ROBO2: variants seen among roughly 807,000 people sequenced by gnomAD.
The protein encoded by ROBO2 is roundabout homolog 2.
ROBO2 carries 53 observed loss-of-function variants against 160.8 expected under a neutral mutation model. The ratio of observed to expected loss-of-function variants is 0.33; its 90% CI spans 0.26 to 0.41. The LOEUF (loss-of-function observed/expected upper bound fraction) is 0.41, where lower values mean the gene tolerates loss of function less well. Ranked by LOEUF, ROBO2 falls within the 10% of genes least tolerant of loss-of-function variation. The pLI is 1.00. For missense variants in ROBO2, 1,577 were observed against 1,722.4 expected (o/e 0.92, Z 1.49); for synonymous variants, 664 against 611.7 (o/e 1.09, Z -1.26).
At chr3:77,325,459 A>G (rs570092687) in intron 2 of ROBO2, among the ~76,000 whole-genome samples, 1 of 152,342 alleles carries the variant, frequency 6.6e-6, no homozygotes, top group South Asian at 2.1e-4. Flanking sequence ...CTTAGCAGTA[A>G]CAAGCTGCTG....
At chr3:77,283,691 A>G (rs568959168) in intron 2 of ROBO2, among the ~76,000 whole-genome samples, 2 of 152,268 alleles carry the variant, frequency 1.3e-5, no homozygotes, top group Admixed American at 1.3e-4. Context: ...AAGTTTTCAC[A>G]TCTCTCTGAT....
intron 2 of ROBO2, among the ~76,000 whole-genome samples, chr3:76,993,235 C>T (rs1195803697): frequency 6.6e-6 from 1 of 152,144 alleles, no homozygotes; most frequent in Non-Finnish European, 1.5e-5. Context: ...TTTGTCTCAT[C>T]TTCTAAGAAG....
At chr3:77,180,416 C>CTATATATATATATATA (rs71104657) in intron 2 of ROBO2, among the ~76,000 whole-genome samples, 13 of 90,700 alleles carry the variant, frequency 1.4e-4, no homozygotes, top group Non-Finnish European at 2.1e-4. Context: ...CTCTCTCTCT[C>CTATATATATATATATA]TATATATATA....
intron 2 of ROBO2, among the ~76,000 whole-genome samples, chr3:76,309,183 T>C (rs1057473006): frequency 2.8e-4 from 42 of 152,330 alleles, no homozygotes; most frequent in African/African-American, 9.6e-4. Flanking sequence ...CAATTTATTC[T>C]ACCAATTTCT....
chr3:76,516,883 T>C (rs564744213), intron 2 of ROBO2, among the ~76,000 whole-genome samples: 2 of 152,252 alleles, frequency 1.3e-5, no homozygotes, highest in Admixed American at 6.5e-5. Flanking sequence ...GCTGTTTTAT[T>C]GCTTAATCCC....
chr3:77,253,922 A>T (rs2153311923), intron 2 of ROBO2, among the ~76,000 whole-genome samples: 1 of 152,292 alleles, frequency 6.6e-6, no homozygotes, highest in East Asian at 1.9e-4. Flanking sequence ...ATAAAGAAAA[A>T]GGGTATATCT....
At chr3:77,320,182 T>C (rs2064521407) in intron 2 of ROBO2, among the ~76,000 whole-genome samples, 1 of 152,208 alleles carries the variant, frequency 6.6e-6, no homozygotes, top group Non-Finnish European at 1.5e-5. Flanking sequence ...ATTTTCTTTC[T>C]CTTACCCTCT....
chr3:76,963,275 T>G (rs1004189093), intron 2 of ROBO2, among the ~76,000 whole-genome samples: 3 of 152,188 alleles, frequency 2.0e-5, no homozygotes, highest in African/African-American at 4.8e-5. Context: ...ATATATTTTG[T>G]CTTCAAAATA....
At chr3:77,496,544 G>A (rs1451357105) in intron 5 of ROBO2, among the ~76,000 whole-genome samples, 1 of 152,096 alleles carries the variant, frequency 6.6e-6, no homozygotes, top group Admixed American at 6.5e-5. Flanking sequence ...TAGGGAGATG[G>A]CCATTGTTCT....
chr3:77,440,366 T>A (rs2079786214), intron 2 of ROBO2, among the ~76,000 whole-genome samples: 1 of 152,132 alleles, frequency 6.6e-6, no homozygotes, highest in Admixed American at 6.5e-5. Context: ...AACTTGAGAG[T>A]CTTTTGATCT....
intron 2 of ROBO2, among the ~76,000 whole-genome samples, chr3:76,622,277 A>AGAAG (rs2089251444): frequency 4.1e-4 from 27 of 66,228 alleles, no homozygotes; most frequent in South Asian, 1.4e-3. Flanking sequence ...AAAGAAAGAA[A>AGAAG]GAAAGAAAGA....
intron 2 of ROBO2, among the ~76,000 whole-genome samples, chr3:76,714,667 C>T (rs2093351681): frequency 6.6e-6 from 1 of 152,126 alleles, no homozygotes; most frequent in African/African-American, 2.4e-5. Context: ...CTTTGCTGGA[C>T]TCAACACATT....
intron 2 of ROBO2, among the ~76,000 whole-genome samples, chr3:76,329,053 A>G (rs764927147): frequency 5.9e-5 from 9 of 151,874 alleles, no homozygotes; most frequent in Non-Finnish European, 1.3e-4. Context: ...AAAGGAGGCA[A>G]CAGCTCAACG....
At chr3:76,799,237 A>AC (rs574875777) in intron 2 of ROBO2, among the ~76,000 whole-genome samples, 97 of 151,962 alleles carry the variant, frequency 6.4e-4, no homozygotes, top group Middle Eastern at 6.8e-3. Flanking sequence ...ACAAAACAAA[A>AC]AAAAAACGTA....
At chr3:77,109,373 AT>A (rs11440407) in intron 2 of ROBO2, among the ~76,000 whole-genome samples, 3 of 151,792 alleles carry the variant, frequency 2.0e-5, no homozygotes, top group East Asian at 1.9e-4. Flanking sequence ...TATGTTGTGC[AT>A]TTTTTTTGCC....
intron 2 of ROBO2, among the ~76,000 whole-genome samples, chr3:76,802,727 CAAA>C (rs71104621): frequency 2.9e-5 from 3 of 103,822 alleles, no homozygotes; most frequent in Non-Finnish European, 5.6e-5. Context: ...GACTCCGTCT[CAAA>C]AAAAAAAAAA....
At chr3:77,140,608 C>A (rs1003228224) in intron 2 of ROBO2, among the ~76,000 whole-genome samples, 5 of 152,052 alleles carry the variant, frequency 3.3e-5, no homozygotes, top group Admixed American at 2.0e-4. Context: ...AGTTTGTGCT[C>A]CAAGGGTCCT....
At chr3:77,412,287 G>T (rs1250945460) in intron 2 of ROBO2, among the ~76,000 whole-genome samples, 1 of 152,196 alleles carries the variant, frequency 6.6e-6, no homozygotes, top group East Asian at 1.9e-4. Flanking sequence ...TGCCCAGAGG[G>T]CTTCCAAGGA....
At chr3:77,501,843 A>G (rs2087664489) in intron 5 of ROBO2, among the ~76,000 whole-genome samples, 1 of 152,176 alleles carries the variant, frequency 6.6e-6, no homozygotes, top group African/African-American at 2.4e-5. Context: ...TATATTTTAG[A>G]CATATTTTTC....
Sources: allele counts gnomAD v4.1 joint callset (sites outside exome capture counted in the v4.1 genomes callset), GRCh38; gene constraint gnomAD v4.1.1; transcripts MANE v1.5; gene names NCBI Gene and HGNC (gene_info 2026-07-23, HGNC 2026-07-21).